Variants in PATJ observed in about 807,000 individuals in gnomAD.
PATJ encodes PATJ crumbs cell polarity complex component, also known as inaD-like protein.
Under a neutral mutation model 224.9 loss-of-function variants are expected in PATJ, and 190 were observed. That is an observed-to-expected ratio of 0.84 (90% CI 0.75 to 0.95). The LOEUF (loss-of-function observed/expected upper bound fraction) is 0.95. Among genes scored for constraint, PATJ ranks in the 40% least tolerant of loss-of-function variants. The pLI is 0.00. For synonymous variants in PATJ, 769 were observed against 820.3 expected, an observed-to-expected ratio of 0.94 and a Z score of 1.07; for missense variants, 2,121 against 2,270.3, an observed-to-expected ratio of 0.93 and a Z score of 1.34.
At chr1:61,835,095 C>A (rs556231996) in intron 17 of PATJ, among the ~76,000 whole-genome samples, 1 of 152,286 alleles carries the variant, frequency 6.6e-6, no homozygotes, top group South Asian at 2.1e-4. Context: ...TTTTTGCTGG[C>A]ATAGTTCTGT....
chr1:62,045,225 T>TAA (rs761133678), intron 30 of PATJ, among the ~76,000 whole-genome samples: 2 of 104,556 alleles, frequency 1.9e-5, no homozygotes, highest in African/African-American at 3.6e-5. Flanking sequence ...CCGTCTCAAA[T>TAA]AAAAAAAAAA....
chr1:62,147,288 A>G (rs1313354352), intron 41 of PATJ, among the ~76,000 whole-genome samples: 1 of 104,124 alleles, frequency 9.6e-6, no homozygotes, highest in Non-Finnish European at 1.9e-5. Flanking sequence ...TTTAAATAAT[A>G]GAAGGAATGG....
intron 35 of PATJ, 25 bp downstream of exon 35, chr1:62,114,271 G>T (rs754674642): frequency 6.2e-7 from 1 of 1,606,992 alleles, no homozygotes; most frequent in Non-Finnish European, 8.5e-7. Flanking sequence ...TGGGAGTTGG[G>T]ATCTGCCTTT....
At chr1:61,939,148 A>T (rs959905410) in intron 27 of PATJ, among the ~76,000 whole-genome samples, 7 of 137,522 alleles carry the variant, frequency 5.1e-5, no homozygotes, top group Non-Finnish European at 9.5e-5. Flanking sequence ...AAAAAAAAAA[A>T]TTCATGTAAT....
chr1:61,833,652 A>G lies in PATJ; in HGVS notation c.1981-2A>G, dbSNP rs1659705441. On this transcript the variant is annotated splice_acceptor_variant, in intron 16 of 43. Transcript: ENST00000642238. LOFTEE classifies it high-confidence loss of function. ...AAGCATTTATCTTCTTTGGTATTTC[A>G]GGTTGACCACAATATGGATGTCAAT... 4 of 1,604,216 alleles carry G rather than the reference A, an allele frequency of 2.5e-6. No homozygotes were observed. Among genetic ancestry groups the G allele is most frequent in the Non-Finnish European group, 3.4e-6 (4 of 1,176,152 alleles).
At chr1:61,758,779 GTT>G (rs1258880409) in intron 1 of PATJ, among the ~76,000 whole-genome samples, 1 of 147,610 alleles carries the variant, frequency 6.8e-6, no homozygotes, top group Admixed American at 6.8e-5. Context: ...TGTTGTTGTT[GTT>G]TTTTAAAGAG....
chr1:61,849,746 T>A (rs188096370), intron 17 of PATJ, among the ~76,000 whole-genome samples: 1 of 152,362 alleles, frequency 6.6e-6, no homozygotes, highest in Non-Finnish European at 1.5e-5. Context: ...TGCTGTGTGG[T>A]CTTTAAATTC....
At chr1:61,820,824 AAAC>A (rs1011587626) in intron 14 of PATJ, among the ~76,000 whole-genome samples, 5 of 152,186 alleles carry the variant, frequency 3.3e-5, no homozygotes, top group Non-Finnish European at 7.4e-5. Flanking sequence ...TCTGGCTCAT[AAAC>A]AAGGAAGGAA....
intron 31 of PATJ, among the ~76,000 whole-genome samples, chr1:62,054,701 C>A (rs963995478): frequency 2.6e-5 from 4 of 152,174 alleles, no homozygotes; most frequent in Admixed American, 2.0e-4. Context: ...AGTACTTGCA[C>A]AGAGCTTTCC....
chr1:62,085,245 A>T (rs1659813863), intron 33 of PATJ, among the ~76,000 whole-genome samples: 1 of 151,966 alleles, frequency 6.6e-6, no homozygotes, highest in Non-Finnish European at 1.5e-5. Context: ...CCCACTCCTT[A>T]GGAGGCTGAG....
chr1:62,151,381 G>A (rs1558240136), intron 42 of PATJ, among the ~76,000 whole-genome samples: 1 of 151,922 alleles, frequency 6.6e-6, no homozygotes, highest in Non-Finnish European at 1.5e-5. Flanking sequence ...GAGGTCAGGA[G>A]ATCGAGACCA....
At chr1:61,753,682 G>T (rs531539076) in intron 1 of PATJ, among the ~76,000 whole-genome samples, 1 of 151,676 alleles carries the variant, frequency 6.6e-6, no homozygotes, top group African/African-American at 2.4e-5. Flanking sequence ...GCTGATTTTT[G>T]TATTTTTAGT....
chr1:61,987,414 AG>A (rs1375091313), intron 27 of PATJ, among the ~76,000 whole-genome samples: 2 of 151,990 alleles, frequency 1.3e-5, no homozygotes, highest in African/African-American at 4.8e-5. Context: ...TTTAAAAAAA[AG>A]ATGCCTTATT....
At chr1:61,782,806 T>C (rs142540240) in intron 7 of PATJ, among the ~76,000 whole-genome samples, 7 of 152,248 alleles carry the variant, frequency 4.6e-5, no homozygotes, top group Admixed American at 1.3e-4. Flanking sequence ...TTTTGGGAGG[T>C]ACTTTTTGTT....
At chr1:62,003,788 C>T (rs74076884) in intron 28 of PATJ, among the ~76,000 whole-genome samples, 85 of 152,324 alleles carry the variant, frequency 5.6e-4, no homozygotes, top group African/African-American at 1.9e-3. Flanking sequence ...CTCCCATCTG[C>T]AAAGTGGGAG....
intron 28 of PATJ, among the ~76,000 whole-genome samples, chr1:61,997,999 A>ATTAT (rs1553236188): frequency 1.5e-4 from 15 of 99,040 alleles, no homozygotes; most frequent in Admixed American, 5.5e-4. Flanking sequence ...TGTATATATA[A>ATTAT]TATATTATAT....
Position 61,829,787 on chromosome 1 carries a change from G to A in PATJ, c.1980+2204G>A, listed in dbSNP as rs942119033. Among the ~76,000 whole-genome samples the A allele has an allele frequency of 3.2e-4, 49 of 152,032 alleles. 2 individuals carry two copies. Among genetic ancestry groups the A allele is most frequent in the Admixed American group, 3.3e-4 (5 of 15,264 alleles). Reference sequence around the variant, plus strand: ...TATATTCTTAAACCCTATCTGGTTAGGCAGCTTAGCCAAAATTCTAATACT... The same window carrying A: ...TATATTCTTAAACCCTATCTGGTTAAGCAGCTTAGCCAAAATTCTAATACT... On this transcript the variant is annotated intron_variant, in intron 16 of 43. Transcript: ENST00000642238.
At chr1:61,849,887 T>G (rs1228262656) in intron 17 of PATJ, among the ~76,000 whole-genome samples, 6 of 152,246 alleles carry the variant, frequency 3.9e-5, no homozygotes, top group African/African-American at 1.4e-4. Context: ...TGTGTTTCTT[T>G]ATTGGGGTAA....
At chr1:61,867,573 A>ATTT (rs59246792) in intron 20 of PATJ, among the ~76,000 whole-genome samples, 3,542 of 145,148 alleles carry the variant, frequency 0.024, 66 homozygotes, top group African/African-American at 0.044. Flanking sequence ...AATCTGTAAA[A>ATTT]TTTTTTTTTT....
Sources: allele counts gnomAD v4.1 joint callset (sites outside exome capture counted in the v4.1 genomes callset), GRCh38; gene constraint gnomAD v4.1.1; transcripts MANE v1.5; gene names NCBI Gene and HGNC (gene_info 2026-07-23, HGNC 2026-07-21).